Variants in SYT1 observed in about 807,000 individuals in gnomAD.
SYT1 encodes synaptotagmin-1.
SYT1 carries 8 observed loss-of-function variants against 44.8 expected under a neutral mutation model. The observed-to-expected ratio is 0.18, with a 90% confidence interval of 0.10 to 0.32. The LOEUF (loss-of-function observed/expected upper bound fraction) is 0.32, where lower values mean the gene tolerates loss of function less well. Among genes scored for constraint, SYT1 ranks in the 10% least tolerant of loss-of-function variants. The pLI is 1.00. For synonymous variants in SYT1, 154 were observed against 188.8 expected (o/e 0.82, Z 1.51); for missense variants, 286 against 509.3 (o/e 0.56, Z 4.22).
intron 3 of SYT1, among the ~76,000 whole-genome samples, chr12:79,125,800 C>T (rs547451543): frequency 1.3e-5 from 2 of 152,194 alleles, no homozygotes; most frequent in South Asian, 4.1e-4. Flanking sequence ...AACAGGTAGC[C>T]CCCAAGTTTC....
At chr12:79,180,062 G>C (rs1390821067) in intron 3 of SYT1, among the ~76,000 whole-genome samples, 1 of 151,836 alleles carries the variant, frequency 6.6e-6, no homozygotes, top group Non-Finnish European at 1.5e-5. Context: ...GTATCTTCAG[G>C]GTGAATTTCT....
intron 3 of SYT1, among the ~76,000 whole-genome samples, chr12:79,097,867 A>C (rs1418688199): frequency 6.6e-6 from 1 of 152,018 alleles, no homozygotes; most frequent in Non-Finnish European, 1.5e-5. Context: ...GGAAAAGCTT[A>C]GTTTCTTCGC....
chr12:78,869,331 A>C (rs1190754147), intron 1 of SYT1, among the ~76,000 whole-genome samples: 1 of 152,006 alleles, frequency 6.6e-6, no homozygotes, highest in Non-Finnish European at 1.5e-5. Context: ...ACATCACTCC[A>C]TTCATATGTA....
chr12:78,863,987 T>A (rs1020136360), upstream of SYT1: 1 of 152,172 alleles, frequency 6.6e-6, no homozygotes, highest in African/African-American at 2.4e-5. Flanking sequence ...GAGCTGCTTC[T>A]CCCGCATCTC....
At chr12:79,078,459 T>C (rs1253414094) in intron 3 of SYT1, among the ~76,000 whole-genome samples, 2 of 152,168 alleles carry the variant, frequency 1.3e-5, no homozygotes, top group African/African-American at 4.8e-5. Context: ...AACAACATAA[T>C]TACCTATCTC....
intron 8 of SYT1, among the ~76,000 whole-genome samples, chr12:79,307,118 A>G (rs1039962164): frequency 1.3e-5 from 2 of 152,200 alleles, no homozygotes; most frequent in African/African-American, 4.8e-5. Context: ...GAGCAGGCCA[A>G]ATGTTTGTGC....
intron 3 of SYT1, among the ~76,000 whole-genome samples, chr12:79,082,019 A>T (rs973983829): frequency 1.3e-5 from 2 of 152,178 alleles, no homozygotes; most frequent in South Asian, 4.1e-4. Context: ...ACATACATTG[A>T]CATTAAAACT....
intron 4 of SYT1, among the ~76,000 whole-genome samples, chr12:79,274,152 A>G (rs145553273): frequency 7.9e-5 from 12 of 152,366 alleles, no homozygotes; most frequent in African/African-American, 2.6e-4. Context: ...AGTGGGGATG[A>G]ACCCCGAAGG....
chr12:79,380,890 T>C (rs887309050), intron 9 of SYT1, among the ~76,000 whole-genome samples: 7 of 152,180 alleles, frequency 4.6e-5, no homozygotes, highest in African/African-American at 1.7e-4. Flanking sequence ...ACCCCATATG[T>C]ATGATTCCAA....
In SYT1 at chr12:79,435,056, C is replaced by T. The variant is rs549089438; in HGVS notation, c.929-9017C>T. ...GAATAAGCATTTCATCTATGTTAGT[C>T]CAATCAGAATACACTTAGGACTTGC... On this transcript the variant is annotated intron_variant, in intron 9 of 10. Transcript: ENST00000261205. 1.3e-3 allele frequency among the ~76,000 whole-genome samples: 196 copies of T among 152,202 alleles called. 1 individual carries two copies. The highest frequency in any genetic ancestry group is 6.8e-3 in the Middle Eastern group (2 of 294).
chr12:78,882,667 A>G (rs1311872840), intron 1 of SYT1, among the ~76,000 whole-genome samples: 1 of 151,822 alleles, frequency 6.6e-6, no homozygotes, highest in Admixed American at 6.6e-5. Flanking sequence ...GTTTGAAAAT[A>G]TTGAAAACTT....
chr12:79,094,833 T>G (rs1878018119), intron 3 of SYT1, among the ~76,000 whole-genome samples: 1 of 151,886 alleles, frequency 6.6e-6, no homozygotes. Flanking sequence ...AAAATAATTC[T>G]CATGACCTAA....
intron 3 of SYT1, among the ~76,000 whole-genome samples, chr12:79,183,796 A>C (rs1240555732): frequency 6.6e-6 from 1 of 152,068 alleles, no homozygotes; most frequent in Non-Finnish European, 1.5e-5. Context: ...TGCTTACTAA[A>C]GTTTTCGAGC....
intron 1 of SYT1, among the ~76,000 whole-genome samples, chr12:78,913,546 C>G (rs1454935990): frequency 6.6e-6 from 1 of 151,714 alleles, no homozygotes; most frequent in Non-Finnish European, 1.5e-5. Flanking sequence ...TGAAAAATAT[C>G]CTGTAATGAG....
chr12:79,307,288 CACAG>C, intron 8 of SYT1, among the ~76,000 whole-genome samples: 1 of 152,312 alleles, frequency 6.6e-6, no homozygotes, highest in South Asian at 2.1e-4. Context: ...AGGAAGCATA[CACAG>C]ACACACAAAC....
chr12:79,185,714 G>A (rs1227120348), intron 3 of SYT1, among the ~76,000 whole-genome samples: 1 of 151,938 alleles, frequency 6.6e-6, no homozygotes, highest in Non-Finnish European at 1.5e-5. Flanking sequence ...GAAGTGACTT[G>A]AAAATATCCA....
chr12:79,085,661 C>A (rs1346367993), intron 3 of SYT1, among the ~76,000 whole-genome samples: 1 of 152,098 alleles, frequency 6.6e-6, no homozygotes, highest in Non-Finnish European at 1.5e-5. Context: ...GACCATAACA[C>A]CTGGGACTCT....
At chr12:79,179,569 A>G (rs1309239599) in intron 3 of SYT1, among the ~76,000 whole-genome samples, 3 of 149,444 alleles carry the variant, frequency 2.0e-5, no homozygotes, top group Non-Finnish European at 1.5e-5. Flanking sequence ...ATTTAGATAT[A>G]TAGATATGGA....
intron 8 of SYT1, among the ~76,000 whole-genome samples, chr12:79,308,652 G>GAAAGAAAGAAAGA (rs1565901646): frequency 2.8e-5 from 3 of 108,808 alleles, no homozygotes; most frequent in Admixed American, 9.3e-5. Context: ...AAGAAAGAAA[G>GAAAGAAAGAAAGA]AAAGAAAAGA....
Sources: allele counts gnomAD v4.1 joint callset (sites outside exome capture counted in the v4.1 genomes callset), GRCh38; gene constraint gnomAD v4.1.1; transcripts MANE v1.5; gene names NCBI Gene and HGNC (gene_info 2026-07-23, HGNC 2026-07-21).